Variants in CR2 observed in about 807,000 individuals in gnomAD.
The protein encoded by CR2 is complement C3d receptor 2.
In CR2, 96 loss-of-function variants were observed where a neutral mutation model predicts 123.0. The observed-to-expected ratio is 0.78, with a 90% CI of 0.66 to 0.93. CR2 has a LOEUF of 0.93. Among genes scored for constraint, CR2 ranks in the 40% least tolerant of loss-of-function variants. The pLI, the probability that CR2 is intolerant of heterozygous loss-of-function variation, is 0.00. For missense variants in CR2, 1,258 were observed against 1,361.0 expected (o/e 0.92, Z 1.19); for synonymous variants, 484 against 469.5 (o/e 1.03, Z -0.40).
At chr1:207,480,403 T>G (rs1658572240) in intron 18 of CR2, among the ~76,000 whole-genome samples, 1 of 152,020 alleles carries the variant, frequency 6.6e-6, no homozygotes, top group African/African-American at 2.4e-5. Context: ...CATTTTCATC[T>G]TCTGTCTTGA....
intron 2 of CR2, 53 bp downstream of exon 2, chr1:207,466,965 C>T: frequency 2.0e-6 from 3 of 1,528,930 alleles, no homozygotes; most frequent in Non-Finnish European, 1.7e-6. Context: ...CCTTTCTGTG[C>T]AGACCACGTT....
Position 207,473,644 on chromosome 1 carries a change from G to A in CR2, c.2078G>A (p.Gly693Asp). 6.2e-7 allele frequency: 1 copy of A among 1,613,984 alleles called. No homozygotes were observed. Among genetic ancestry groups the A allele is most frequent in the Non-Finnish European group, 8.5e-7 (1 of 1,179,896 alleles). The change falls in exon 11 of 20, where the codon GGC (glycine) becomes GAC (aspartate). Residue 693 changes from glycine (G) to aspartate (D), a missense_variant. By Grantham distance (94) the Gly-to-Asp change is moderately conservative. Coordinates refer to ENST00000367057, the MANE Select transcript of CR2 (RefSeq NM_001006658.3). ...ACTGTAGACTACACTTGTGACCCTG[G>A]CTATTTGCTTGTGGGAAACAAATCC... ...GMTVDYTCDP[G>D]YLLVGNKSIH...
chr1:207,475,114 T>C lies in CR2; in HGVS notation c.2614T>C (p.Tyr872His). 6.2e-7 allele frequency: 1 copy of C among 1,612,750 alleles called. No homozygotes were observed. The highest frequency in any genetic ancestry group is 8.5e-7 in the Non-Finnish European group (1 of 1,179,310). The change falls in exon 14 of 20, where the codon TAT becomes CAT. Residue 872 changes from tyrosine (Y) to histidine (H), a missense_variant. Physicochemically the swap from Tyr to His is moderately conservative, Grantham distance 83. Coordinates refer to ENST00000367057, the MANE Select transcript of CR2 (RefSeq NM_001006658.3). ...TGCATATTCCCACAATGACATAGTG[T>C]ATGTTGACTGCAATCCTGGCTTCAT... Reference protein sequence around the residue: ...HSAYSHNDIVYVDCNPGFIMN... With the variant: ...HSAYSHNDIVHVDCNPGFIMN...
chr1:207,468,345 T>C (rs1245812867), intron 2 of CR2, 182 bp from the exon 3 acceptor site: 3 of 630,882 alleles, frequency 4.8e-6, no homozygotes, highest in Non-Finnish European at 5.5e-6. Flanking sequence ...ATGAGATTTT[T>C]TTTTTGCAAT....
At chr1:207,475,525 G>A (rs1237690925) in intron 14 of CR2, among the ~76,000 whole-genome samples, 4 of 152,166 alleles carry the variant, frequency 2.6e-5, no homozygotes, top group Non-Finnish European at 5.9e-5. Flanking sequence ...TTTGGCAAAT[G>A]TTTGGCAGTA....
rs1247693641 is a variant in CR2 at position 207,475,084 on chromosome 1, C to T, written c.2584C>T (p.His862Tyr). ...ACATGGGTACAAGCTCAATAAAACA[C>T]ATTCTGCATATTCCCACAATGACAT... ...VKHGYKLNKT[H>Y]SAYSHNDIVY... Residue 862 changes from histidine to tyrosine, a missense_variant, in exon 14 of 20, where the codon CAT becomes TAT. His to Tyr is a moderately conservative substitution (Grantham distance 83, BLOSUM62 2). Coordinates refer to ENST00000367057, the MANE Select transcript of CR2 (RefSeq NM_001006658.3). 1.9e-6 allele frequency: 3 copies of T among 1,612,732 alleles called. No individual in the cohort carries two copies. The highest frequency in any genetic ancestry group is 1.7e-6 in the Non-Finnish European group (2 of 1,179,094).
Position 207,473,604 on chromosome 1 carries a change from T to G in CR2, c.2038T>G (p.Phe680Val). 1 of 1,613,992 alleles carries G rather than the reference T, an allele frequency of 6.2e-7. No individual in the cohort carries two copies. Among genetic ancestry groups the G allele is most frequent in the South Asian group, 1.1e-5 (1 of 91,084 alleles). ...TCATACAGGTGGAAATACGGTCTTC[T>G]TTGTCTCTGGGATGACTGTAGACTA... Reference protein sequence around the residue: ...GRHTGGNTVFFVSGMTVDYTC... With the variant: ...GRHTGGNTVFVVSGMTVDYTC... The change falls in exon 11 of 20, where the codon TTT (phenylalanine) becomes GTT (valine). Residue 680 changes from phenylalanine to valine, a missense_variant. Transcript: ENST00000367057.
At chr1:207,488,560 G>A (rs1658810267) in intron 19 of CR2, among the ~76,000 whole-genome samples, 1 of 152,160 alleles carries the variant, frequency 6.6e-6, no homozygotes, top group African/African-American at 2.4e-5. Context: ...GGAGTTGGAG[G>A]TTGCAGTGAG....
chr1:207,488,020 T>G (rs1367305653), intron 19 of CR2, among the ~76,000 whole-genome samples: 3 of 152,160 alleles, frequency 2.0e-5, no homozygotes, highest in African/African-American at 7.2e-5. Flanking sequence ...AACTAAGAAC[T>G]GAAGACTGAA....
chr1:207,482,495 C>A (rs953917276), intron 18 of CR2, among the ~76,000 whole-genome samples: 1 of 152,080 alleles, frequency 6.6e-6, no homozygotes, highest in African/African-American at 2.4e-5. Context: ...CACGTCCATC[C>A]ATTCTTTTCT....
chr1:207,475,377 T>C (rs1451696037), intron 14 of CR2, among the ~76,000 whole-genome samples, 161 bp downstream of exon 14: 57 of 149,438 alleles, frequency 3.8e-4, no homozygotes, highest in Admixed American at 3.8e-3. Flanking sequence ...CTCACTTGAT[T>C]GTTTGTTTTC....
chr1:207,466,744 G>A lies in CR2; in HGVS notation c.277G>A (p.Glu93Lys), dbSNP rs1218708050. Residue 93 changes from glutamate to lysine, a missense_variant, in exon 2 of 20, where the codon GAG becomes AAG. Physicochemically the swap from Glu to Lys is moderately conservative, Grantham distance 56. Coordinates refer to ENST00000367057, the MANE Select transcript of CR2 (RefSeq NM_001006658.3). ...TTTCAATAAATATTCTTCTTGCCCT[G>A]AGCCCATAGTACCAGGAGGATACAA... The part of the protein sequence containing the change: ...EYFNKYSSCP[E>K]PIVPGGYKIR... 2 of 1,614,012 alleles carry A rather than the reference G, an allele frequency of 1.2e-6. No individual in the cohort carries two copies. Among genetic ancestry groups the A allele is most frequent in the Non-Finnish European group, 1.7e-6 (2 of 1,179,972 alleles).
At position 207,469,179 on chromosome 1, in the gene CR2, G is replaced by A. The variant is rs1448748693; in HGVS notation, c.764G>A (p.Arg255Gln). 23 of 1,613,776 alleles carry A rather than the reference G, an allele frequency of 1.4e-5. No individual in the cohort carries two copies. Among genetic ancestry groups the A allele is most frequent in the Admixed American group, 5.0e-5 (3 of 59,984 alleles). ...GYRLQGPPSS[R>Q]CVIAGQGVAW... ...CGACTGCAAGGCCCACCTTCTAGTC[G>A]GTGTGTAATTGCTGGACAGGGAGTT... The change falls in exon 5 of 20, where the codon CGG (arginine) becomes CAG (glutamine). Residue 255 changes from arginine (R) to glutamine (Q), a missense_variant. Transcript: ENST00000367057.
intron 18 of CR2, among the ~76,000 whole-genome samples, chr1:207,484,385 C>G (rs1043199461): frequency 1.3e-5 from 2 of 152,152 alleles, no homozygotes; most frequent in African/African-American, 4.8e-5. Context: ...GATAAAGACA[C>G]TTGAATGGCC....
chr1:207,466,076 A>G (rs530435805), intron 1 of CR2, among the ~76,000 whole-genome samples: 13 of 152,352 alleles, frequency 8.5e-5, no homozygotes, highest in Admixed American at 3.3e-4. Flanking sequence ...CTATAGACTA[A>G]GAAACTGAAG....
intron 1 of CR2, among the ~76,000 whole-genome samples, chr1:207,460,910 A>G (rs1300245254): frequency 2.0e-5 from 3 of 152,020 alleles, no homozygotes; most frequent in Admixed American, 6.6e-5. Flanking sequence ...TAATCAACAT[A>G]TTTTCTCCTC....
At chr1:207,459,451 A>G (rs17044525) in intron 1 of CR2, among the ~76,000 whole-genome samples, 14,802 of 152,132 alleles carry the variant, frequency 0.097, 764 homozygotes, top group African/African-American at 0.12. Flanking sequence ...TATCAGTCTC[A>G]ATAATGATTT....
intron 6 of CR2, 137 bp downstream of exon 6, chr1:207,470,239 T>C (rs894684346): frequency 1.1e-6 from 1 of 947,474 alleles, no homozygotes. Flanking sequence ...ATATAAATTT[T>C]GTAGAGGGCA....
Position 207,466,899 on chromosome 1 carries a change from A to G in CR2, c.432A>G (p.Pro144=). Residue 144 remains proline, a synonymous_variant, in exon 2 of 20, where the codon CCA becomes CCG. Transcript: ENST00000367057. ...ANNMWGPTRL[P]TCVSVFPLEC... is the part of the protein sequence containing the mutation. ...ATATGTGGGGGCCGACACGACTACCAACCTGTGTAAGTGGTGAGTATGAAA... is the reference window on the plus strand; with the variant it reads ...ATATGTGGGGGCCGACACGACTACCGACCTGTGTAAGTGGTGAGTATGAAA... The G allele has an allele frequency of 6.3e-7, 1 of 1,597,354 alleles. No homozygotes were observed. Among genetic ancestry groups the G allele is most frequent in the Non-Finnish European group, 8.5e-7 (1 of 1,172,788 alleles).
Sources: allele counts gnomAD v4.1 joint callset (sites outside exome capture counted in the v4.1 genomes callset), GRCh38; gene constraint gnomAD v4.1.1; transcripts MANE v1.5; gene names NCBI Gene and HGNC (gene_info 2026-07-23, HGNC 2026-07-21).